MYPN: variants seen among roughly 807,000 people sequenced by gnomAD.
The protein encoded by MYPN is sarcomeric protein myopalladin, 145 kDa (MYOP).
Under a neutral mutation model 129.4 loss-of-function variants are expected in MYPN, and 63 were observed. The observed-to-expected ratio is 0.49, with a 90% CI of 0.40 to 0.60. The LOEUF (loss-of-function observed/expected upper bound fraction) is 0.60. Ranked by LOEUF, MYPN falls within the 20% of genes least tolerant of loss-of-function variation. The pLI, the probability that MYPN is intolerant of heterozygous loss-of-function variation, is 0.00. For synonymous variants in MYPN, 629 were observed against 600.9 expected (o/e 1.05, Z -0.68); for missense variants, 1,596 against 1,635.4 (o/e 0.98, Z 0.42).
At chr10:68,182,462 TAAC>T (rs2043349150) in intron 12 of MYPN, among the ~76,000 whole-genome samples, 1 of 91,954 alleles carries the variant, frequency 1.1e-5, no homozygotes, top group African/African-American at 4.6e-5. Context: ...CATATATATA[TAAC>T]ATATATACAC....
At chr10:68,101,466 C>T (rs970174297), upstream of MYPN, among the ~76,000 whole-genome samples, 9 of 152,132 alleles carry the variant, frequency 5.9e-5, no homozygotes, top group African/African-American at 2.2e-4. Context: ...CTCTAGCTGC[C>T]TTCATCAGTA....
chr10:68,160,438 A>C (rs1256805716), intron 7 of MYPN, among the ~76,000 whole-genome samples: 1 of 150,304 alleles, frequency 6.7e-6, no homozygotes, highest in Non-Finnish European at 1.5e-5. Context: ...TCAAAAAAAA[A>C]AAAAAAAAAA....
intron 2 of MYPN, chr10:68,136,697 T>C: frequency 6.5e-7 from 1 of 1,535,542 alleles, no homozygotes; most frequent in Non-Finnish European, 8.7e-7. Flanking sequence ...CTTCTGGCTA[T>C]CCAATTGCTC....
Position 68,188,892 on chromosome 10 carries a change from G to GACAAAC in MYPN, c.2704-13_2704-12insACAAAC. 1 of 1,610,974 alleles carries GACAAAC rather than the reference G, an allele frequency of 6.2e-7. No homozygotes were observed. Among genetic ancestry groups the GACAAAC allele is most frequent in the Non-Finnish European group, 8.5e-7 (1 of 1,177,962 alleles). On this transcript the variant is annotated splice_polypyrimidine_tract_variant and intron_variant, in intron 12 of 19. Transcript: ENST00000358913. ...GCCATATGGAAATTGAAACACGTTT[G>GACAAAC]TCATTTTGACAGGAGTACAAAATTT...
chr10:68,092,495 CA>C (rs1170392363), intron 1 of MYPN, among the ~76,000 whole-genome samples: 1,403 of 96,404 alleles, frequency 0.015, 10 homozygotes, highest in African/African-American at 0.036. Flanking sequence ...GACTTCGTCT[CA>C]AAAAAAAAAA....
At chr10:68,134,144 A>G (rs1023048466) in intron 2 of MYPN, among the ~76,000 whole-genome samples, 8 of 152,154 alleles carry the variant, frequency 5.3e-5, no homozygotes, top group Non-Finnish European at 1.5e-5. Context: ...AAAAAATTCA[A>G]GATGTTCGTT....
chr10:68,154,071 GGA>G (rs1411666128), intron 6 of MYPN, among the ~76,000 whole-genome samples: 1 of 152,128 alleles, frequency 6.6e-6, no homozygotes, highest in African/African-American at 2.4e-5. Flanking sequence ...ATTTGAGAGA[GGA>G]CTGTGGGATT....
chr10:68,196,835 G>T (rs1297502096), intron 15 of MYPN, among the ~76,000 whole-genome samples: 1 of 151,634 alleles, frequency 6.6e-6, no homozygotes, highest in Non-Finnish European at 1.5e-5. Context: ...CCTTTTTTAA[G>T]AACAGCTGTT....
intron 1 of MYPN, chr10:68,114,354 T>G (rs1475090992): frequency 6.6e-6 from 1 of 151,298 alleles, no homozygotes; most frequent in African/African-American, 2.4e-5. Flanking sequence ...TTTCTTTTTT[T>G]TTTTTTTGAC....
At chr10:68,144,725 G>A (rs1478719929) in intron 3 of MYPN, among the ~76,000 whole-genome samples, 7 of 151,990 alleles carry the variant, frequency 4.6e-5, no homozygotes, top group Non-Finnish European at 7.4e-5. Flanking sequence ...AGGACTGGAC[G>A]GAAGAGCATC....
In MYPN at chr10:68,165,674, G is replaced by A. The variant is rs752449272; in HGVS notation, c.1484-28G>A. 3 of 1,506,542 alleles carry A rather than the reference G, an allele frequency of 2.0e-6. No individual in the cohort carries two copies. The East Asian group carries it at 6.8e-5, about 34-fold the overall frequency. The allele number at this position is 1,506,542 out of a possible 1,614,324, so 93.3% of individuals were successfully genotyped here. A position where few individuals can be genotyped will look rare whatever the true frequency, so the allele number is the denominator to read the frequency against. On this transcript the variant is annotated intron_variant, in intron 8 of 19. Transcript: ENST00000358913. ...TAATTCTGTTTTCATAATGAAGTCA[G>A]TAACCATTCTGTTTCACTGGCATAT...
chr10:68,088,546 T>G (rs990455134), intron 1 of MYPN, among the ~76,000 whole-genome samples: 2 of 152,182 alleles, frequency 1.3e-5, no homozygotes, highest in African/African-American at 4.8e-5. Context: ...AGGGTGCTGA[T>G]CTATCACTCT....
intron 1 of MYPN, among the ~76,000 whole-genome samples, chr10:68,112,656 C>T (rs1385700575): frequency 1.3e-5 from 2 of 152,094 alleles, no homozygotes; most frequent in Non-Finnish European, 2.9e-5. Flanking sequence ...TTCTTTCAAA[C>T]TGAAAAATTT....
intron 19 of MYPN, among the ~76,000 whole-genome samples, chr10:68,209,421 G>A (rs1307499754): frequency 6.6e-6 from 1 of 152,180 alleles, no homozygotes; most frequent in African/African-American, 2.4e-5. Flanking sequence ...CCTGATTAGG[G>A]AGGTGGGTAG....
chr10:68,143,908 C>A (rs1161048427), intron 3 of MYPN, among the ~76,000 whole-genome samples: 1 of 152,138 alleles, frequency 6.6e-6, no homozygotes, highest in African/African-American at 2.4e-5. Flanking sequence ...GCATGCGCCA[C>A]CACACCTGGC....
chr10:68,110,191 G>T (rs35299829), intron 1 of MYPN, among the ~76,000 whole-genome samples: 11,467 of 152,164 alleles, frequency 0.075, 516 homozygotes, highest in Non-Finnish European at 0.11. Flanking sequence ...CTGCTCCCTG[G>T]ATTAATGTAC....
At chr10:68,166,688 T>A in intron 10 of MYPN, 22 bp downstream of exon 10, 1 of 1,613,452 alleles carries the variant, frequency 6.2e-7, no homozygotes, top group Non-Finnish European at 8.5e-7. Flanking sequence ...GTAGGATGAA[T>A]AACCAGGAGC....
chr10:68,098,939 A>G (rs1431882514), intron 1 of MYPN, among the ~76,000 whole-genome samples: 2 of 152,194 alleles, frequency 1.3e-5, no homozygotes, highest in African/African-American at 2.4e-5. Flanking sequence ...GTGACCTTTA[A>G]AATAAAGTTC....
chr10:68,171,226 C>T (rs899189613), intron 10 of MYPN, among the ~76,000 whole-genome samples: 9 of 151,898 alleles, frequency 5.9e-5, no homozygotes, highest in Non-Finnish European at 1.3e-4. Context: ...ACCACCCACC[C>T]GCTATACCCA....
Sources: allele counts gnomAD v4.1 joint callset (sites outside exome capture counted in the v4.1 genomes callset), GRCh38; gene constraint gnomAD v4.1.1; transcripts MANE v1.5; gene names NCBI Gene and HGNC (gene_info 2026-07-23, HGNC 2026-07-21).